MYCBPAP: variants seen among roughly 807,000 people sequenced by gnomAD.
MYCBPAP encodes MYCBP-associated protein.
MYCBPAP carries 60 observed loss-of-function variants against 106.1 expected under a neutral mutation model. That is an observed-to-expected ratio of 0.57 (90% CI 0.46 to 0.70). The LOEUF (loss-of-function observed/expected upper bound fraction) is 0.70. Among genes scored for constraint, MYCBPAP ranks in the 30% least tolerant of loss-of-function variants. The pLI is 0.00. For synonymous variants in MYCBPAP, 407 were observed against 440.6 expected, an observed-to-expected ratio of 0.92 and a Z score of 0.95; for missense variants, 1,064 against 1,169.3, an observed-to-expected ratio of 0.91 and a Z score of 1.31.
rs1346449877 is a variant in MYCBPAP, at chr17:50,519,048, G to A, written c.727G>A (p.Glu243Lys). The part of the protein sequence containing the change: ...ETYRRIQEER[E>K]LIDCTLPTRR... ...CTACAGACGGATCCAGGAGGAGCGGGAGCTCATTGACTGCACACTTCCAAC... is the reference window on the plus strand; with the variant it reads ...CTACAGACGGATCCAGGAGGAGCGGAAGCTCATTGACTGCACACTTCCAAC... The change falls in exon 6 of 19, where the codon GAG (glutamate) becomes AAG (lysine). Residue 243 changes from glutamate to lysine, a missense_variant. Glu to Lys is a moderately conservative substitution (Grantham distance 56, BLOSUM62 1). Transcript: ENST00000323776. 1 of 1,613,718 alleles carries A rather than the reference G, an allele frequency of 6.2e-7. No individual in the cohort carries two copies. Among genetic ancestry groups the A allele is most frequent in the Admixed American group, 1.7e-5 (1 of 60,008 alleles).
rs776097777 is a variant in MYCBPAP, at chr17:50,516,574, G to T, written c.81G>T (p.Lys27Asn). 25 of 1,613,638 alleles carry T rather than the reference G, an allele frequency of 1.5e-5. No individual in the cohort carries two copies. The Middle Eastern group carries it at 8.2e-4, about 53-fold the overall frequency. ...LLEASENVKE[K>N]KRAKGPEQPT... ...TAACTTTCTGCTTCTCTTCAGAAAA[G>T]AAGCGGGCAAAGGGACCTGAACAAC... is the stretch of plus-strand genomic sequence containing the variant. The change falls in exon 2 of 19, where the codon AAG becomes AAT. Residue 27 changes from lysine to asparagine, a missense_variant. Transcript: ENST00000323776.
At chr17:50,522,709 A>ATATATATATATATATATATATATATAT (rs1555620722) in intron 10 of MYCBPAP, 12 of 50,040 alleles carry the variant, frequency 2.4e-4, no homozygotes, top group Non-Finnish European at 3.4e-4. Flanking sequence ...AAAAAAAAAA[A>ATATATATATATATATATATATATATAT]ATATATATAT....
intron 4 of MYCBPAP, among the ~76,000 whole-genome samples, 165 bp downstream of exon 4, chr17:50,517,863 C>A (rs1330226820): frequency 6.6e-6 from 1 of 152,228 alleles, no homozygotes; most frequent in South Asian, 2.1e-4. Flanking sequence ...ACACTTCAGG[C>A]AGCTGAAGCT....
At chr17:50,509,308 T>A (rs2033734062) in intron 1 of MYCBPAP, 1 of 612,602 alleles carries the variant, frequency 1.6e-6, no homozygotes, top group Non-Finnish European at 2.9e-6. Flanking sequence ...ACGTGCACTT[T>A]CCAGCTGGAT....
rs145561554 is a variant in MYCBPAP at position 50,526,052 on chromosome 17, A to G, written c.1954A>G (p.Ile652Val). ...AELLPRFRSP[I>V]SETQVPRPEN... ...GCTGTTACCACGCTTTAGGAGCCCCATCTCCGAAACTCAAGTGCCCCGGCC... is the reference window on the plus strand; with the variant it reads ...GCTGTTACCACGCTTTAGGAGCCCCGTCTCCGAAACTCAAGTGCCCCGGCC... The change falls in exon 14 of 19, where the codon ATC becomes GTC. Residue 652 changes from isoleucine (I) to valine (V), a missense_variant. By Grantham distance (29) the Ile-to-Val change is conservative. Transcript: ENST00000323776. 3.7e-6 allele frequency: 6 copies of G among 1,613,806 alleles called. No homozygotes were observed. In the African/African-American group the frequency reaches 5.3e-5, roughly 14 times the overall value.
In MYCBPAP at chr17:50,518,708, G is replaced by A. The variant is rs748219698; in HGVS notation, c.636G>A (p.Gln212=). 1.3e-6 allele frequency: 2 copies of A among 1,588,136 alleles called. No homozygotes were observed. Among genetic ancestry groups the A allele is most frequent in the Non-Finnish European group, 1.7e-6 (2 of 1,170,230 alleles). Residue 212 remains glutamine (Q), a synonymous_variant, in exon 5 of 19, where the codon CAG becomes CAA. Coordinates refer to ENST00000323776, the MANE Select transcript of MYCBPAP (RefSeq NM_032133.6). The part of the protein sequence containing the change: ...WQRNTALRKK[Q]QEALSEHLKK... ...GTAACACAGCCCTGCGGAAGAAGCA[G>A]CAGGAAGCCCTCAGCGGTGAGCAGA...
intron 1 of MYCBPAP, chr17:50,509,421 T>C (rs2033738826): frequency 4.9e-6 from 2 of 411,680 alleles, no homozygotes; most frequent in African/African-American, 4.0e-5. Context: ...CCACAGGGCG[T>C]CTGATAGCGG....
At chr17:50,508,433 G>A (rs942539166), upstream of MYCBPAP, 2 of 1,027,342 alleles carry the variant, frequency 1.9e-6, no homozygotes, top group Non-Finnish European at 2.7e-6. Flanking sequence ...CACAGGCCGG[G>A]CCCGCAGGGC....
intron 3 of MYCBPAP, 59 bp from the exon 4 acceptor site, chr17:50,517,536 G>T (rs1385719001): frequency 1.2e-6 from 2 of 1,613,278 alleles, no homozygotes; most frequent in African/African-American, 2.7e-5. Context: ...TCAGAAAGTT[G>T]CCCTCTTGAA....
At chr17:50,514,986 A>C in intron 1 of MYCBPAP, 1 of 389,182 alleles carries the variant, frequency 2.6e-6, no homozygotes, top group Non-Finnish European at 5.3e-6. Flanking sequence ...TCTTCACGAT[A>C]TGGCGGCTGC....
chr17:50,529,390 G>T, intron 18 of MYCBPAP: 1 of 552,306 alleles, frequency 1.8e-6, no homozygotes, highest in Non-Finnish European at 3.2e-6. Flanking sequence ...AGAGAAGATA[G>T]ACCAGGCAGG....
At chr17:50,516,449 G>C (rs913228301) in intron 1 of MYCBPAP, 121 bp from the exon 2 acceptor site, 2 of 1,216,954 alleles carry the variant, frequency 1.6e-6, no homozygotes, top group Middle Eastern at 5.8e-4. Flanking sequence ...CTATCCAGCT[G>C]GTCAGCTCTG....
chr17:50,515,034 C>A (rs1464744227), intron 1 of MYCBPAP: 3 of 275,726 alleles, frequency 1.1e-5, no homozygotes, highest in Non-Finnish European at 2.3e-5. Context: ...TCCCACCTCA[C>A]CACACTCCAG....
chr17:50,521,470 G>GTT (rs1221626591), intron 9 of MYCBPAP, 39 bp downstream of exon 9: 2 of 1,414,214 alleles, frequency 1.4e-6, no homozygotes, highest in Admixed American at 1.9e-5. Context: ...AGGCTGAAGA[G>GTT]TTCTCCAGCA....
At position 50,528,832 on chromosome 17, in the gene MYCBPAP, G is replaced by C. The variant is rs753129943; in HGVS notation, c.2545G>C (p.Gly849Arg). ...AGACAAGAAAGGAGCCAAGCTGCTC[G>C]GGAAAGAGGCATGCTGGGGCGTGGT... ...KEDKKGAKLL[G>R]KEDRPNSKKH... Residue 849 changes from glycine to arginine, a missense_variant, in exon 17 of 19, where the codon GGG (glycine) becomes CGG (arginine). Coordinates refer to ENST00000323776, the MANE Select transcript of MYCBPAP (RefSeq NM_032133.6). 1 of 1,613,580 alleles carries C rather than the reference G, an allele frequency of 6.2e-7. No individual in the cohort carries two copies. The highest frequency in any genetic ancestry group is 2.2e-5 in the East Asian group (1 of 44,872).
intron 1 of MYCBPAP, among the ~76,000 whole-genome samples, chr17:50,512,840 G>A (rs1275244844): frequency 5.3e-5 from 8 of 152,164 alleles, no homozygotes; most frequent in Non-Finnish European, 1.2e-4. Flanking sequence ...TTGGGAGGCC[G>A]AGGTGGGCAG....
In MYCBPAP at chr17:50,527,147, A is replaced by G. The variant is rs1004708522; in HGVS notation, c.2170-140A>G. 8.2e-6 allele frequency: 10 copies of G among 1,213,290 alleles called. No homozygotes were observed. The African/African-American group carries it at 1.5e-4, about 18-fold the overall frequency. The allele number at this position is 1,213,290 out of a possible 1,614,324, so 75.2% of individuals were successfully genotyped here. A position where few individuals can be genotyped will look rare whatever the true frequency, so the allele number is the denominator to read the frequency against. The stretch of plus-strand genomic sequence containing the variant: ...TGAGGGGGGTCCCTGGCTCCCACCA[A>G]AGGCACCCAGACAGCTCTCCATAGC... On this transcript the variant is annotated intron_variant, in intron 14 of 18. Coordinates refer to ENST00000323776, the MANE Select transcript of MYCBPAP (RefSeq NM_032133.6).
Position 50,518,638 on chromosome 17 carries a change from C to A in MYCBPAP, c.566C>A (p.Pro189His). Residue 189 changes from proline (P) to histidine (H), a missense_variant, in exon 5 of 19, where the codon CCC (proline) becomes CAC (histidine). Physicochemically the swap from Pro to His is moderately conservative, Grantham distance 77 (BLOSUM62 -2). Coordinates refer to ENST00000323776, the MANE Select transcript of MYCBPAP (RefSeq NM_032133.6). ...GCCCCAAAAGAAGAGAAGAGACCTC[C>A]CTGGGCCCCACCTCCTCAGCACAAC... ...QKAPKEEKRPPWAPPPQHNFL... is the reference protein window; with the variant it reads ...QKAPKEEKRPHWAPPPQHNFL... 1 of 1,610,946 alleles carries A rather than the reference C, an allele frequency of 6.2e-7. No individual in the cohort carries two copies. Among genetic ancestry groups the A allele is most frequent in the South Asian group, 1.1e-5 (1 of 90,652 alleles).
chr17:50,530,019 G>A (rs2034583851), intron 18 of MYCBPAP: 2 of 369,484 alleles, frequency 5.4e-6, no homozygotes, highest in Admixed American at 6.5e-5. Context: ...GGATAGCTGG[G>A]GAGCTGGGAT....
Sources: allele counts gnomAD v4.1 joint callset (sites outside exome capture counted in the v4.1 genomes callset), GRCh38; gene constraint gnomAD v4.1.1; transcripts MANE v1.5; gene names NCBI Gene and HGNC (gene_info 2026-07-23, HGNC 2026-07-21).